SDK1: variants seen among roughly 807,000 people sequenced by gnomAD.
SDK1 encodes sidekick cell adhesion molecule 1.
SDK1 carries 157 observed loss-of-function variants against 245.5 expected under a neutral mutation model. The observed-to-expected ratio is 0.64, with a 90% CI of 0.56 to 0.73. The LOEUF is 0.73. Ranked by LOEUF, SDK1 falls within the 30% of genes least tolerant of loss-of-function variation. The probability of loss-of-function intolerance (pLI) is 0.00; values close to 1 mark genes in which losing one functional copy is unlikely to be tolerated. For missense variants in SDK1, 3,583 were observed against 3,002.3 expected (o/e 1.19, Z -4.52); for synonymous variants, 1,647 against 1,278.5 (o/e 1.29, Z -6.15).
intron 30 of SDK1, among the ~76,000 whole-genome samples, chr7:4,156,300 A>C (rs1780731619): frequency 6.6e-6 from 1 of 152,024 alleles, no homozygotes; most frequent in South Asian, 2.1e-4. Context: ...AGGCAAAGTA[A>C]CTCCTAGGAT....
intron 22 of SDK1, among the ~76,000 whole-genome samples, chr7:4,084,726 G>GTTATGTTATC (rs1781321287): frequency 3.3e-5 from 3 of 89,878 alleles, no homozygotes; most frequent in Admixed American, 9.3e-5. Context: ...GTTATGTTAT[G>GTTATGTTATC]TTATGTTGTT....
intron 5 of SDK1, among the ~76,000 whole-genome samples, chr7:3,846,993 G>C (rs77038302): frequency 3.3e-5 from 5 of 152,016 alleles, no homozygotes; most frequent in South Asian, 4.2e-4. Context: ...GCTGTCCCCA[G>C]TGCCACCCCA....
chr7:3,961,440 C>G lies in SDK1; in HGVS notation c.1235-1217C>G, dbSNP rs948468146. Among the ~76,000 whole-genome samples, 119 of 152,312 alleles carry G rather than the reference C, an allele frequency of 7.8e-4. 1 individual carries two copies. Among genetic ancestry groups the G allele is most frequent in the East Asian group, 5.8e-4 (3 of 5,186 alleles). The stretch of plus-strand genomic sequence containing the variant: ...CACCTACCCACACGCCATCTTAAAT[C>G]AAGGGATTTTGGTGTGCTTTGCACT... On this transcript the variant is annotated intron_variant, in intron 8 of 44. Coordinates refer to ENST00000404826, the MANE Select transcript of SDK1 (RefSeq NM_152744.4).
intron 32 of SDK1, among the ~76,000 whole-genome samples, chr7:4,163,321 C>T (rs1044230948): frequency 4.6e-5 from 7 of 152,096 alleles, no homozygotes; most frequent in African/African-American, 7.2e-5. Context: ...GCAGGGTGCC[C>T]GATGCAGCAG....
At chr7:3,844,513 A>G (rs1016374649) in intron 5 of SDK1, among the ~76,000 whole-genome samples, 4 of 152,056 alleles carry the variant, frequency 2.6e-5, no homozygotes, top group Non-Finnish European at 5.9e-5. Context: ...CGAGCTGGGC[A>G]CCCACAGTGT....
intron 1 of SDK1, among the ~76,000 whole-genome samples, chr7:3,492,956 T>C (rs1781908352): frequency 6.6e-6 from 1 of 152,160 alleles, no homozygotes; most frequent in Non-Finnish European, 1.5e-5. Context: ...ATTTTTTTAT[T>C]TTTCTATTTT....
intron 4 of SDK1, chr7:3,643,886 T>G (rs1259076172): frequency 6.7e-6 from 1 of 148,758 alleles, no homozygotes; most frequent in Non-Finnish European, 1.5e-5. Flanking sequence ...TTACTATTAA[T>G]AATTATATAA....
At chr7:4,243,549 A>C (rs1786657631) in intron 43 of SDK1, among the ~76,000 whole-genome samples, 1 of 152,232 alleles carries the variant, frequency 6.6e-6, no homozygotes, top group Admixed American at 6.5e-5. Flanking sequence ...GGAGGAGCAA[A>C]GTCACGTCTT....
At chr7:3,992,597 T>G (rs1784411998) in intron 14 of SDK1, among the ~76,000 whole-genome samples, 1 of 152,184 alleles carries the variant, frequency 6.6e-6, no homozygotes. Context: ...TGAAAGCATT[T>G]GGCCCACTCT....
At chr7:4,245,547 A>C in intron 43 of SDK1, 129 bp from the exon 44 acceptor site, 1 of 1,096,136 alleles carries the variant, frequency 9.1e-7, no homozygotes, top group South Asian at 1.6e-5. Flanking sequence ...ATCAGTTGCC[A>C]AAGTGATGTC....
At chr7:3,787,657 C>T (rs1156708921) in intron 4 of SDK1, among the ~76,000 whole-genome samples, 4 of 152,082 alleles carry the variant, frequency 2.6e-5, no homozygotes, top group South Asian at 4.1e-4. Flanking sequence ...TCAGCTGGCC[C>T]GAGCCCTACC....
chr7:4,225,675 G>T (rs1280730447), intron 40 of SDK1, among the ~76,000 whole-genome samples: 1 of 152,176 alleles, frequency 6.6e-6, no homozygotes, highest in Non-Finnish European at 1.5e-5. Context: ...GTCGGCGAGG[G>T]CTTCACACTG....
At chr7:3,551,543 C>T (rs912860109) in intron 1 of SDK1, among the ~76,000 whole-genome samples, 4 of 151,326 alleles carry the variant, frequency 2.6e-5, no homozygotes, top group Non-Finnish European at 2.9e-5. Context: ...TGAAAGCTTG[C>T]TTTGCTTGCC....
At chr7:4,218,220 A>AT (rs1057255731) in intron 38 of SDK1, among the ~76,000 whole-genome samples, 68 of 152,274 alleles carry the variant, frequency 4.5e-4, no homozygotes, top group African/African-American at 1.6e-3. Flanking sequence ...CCGGGCCAAC[A>AT]TGGTGAAACT....
At chr7:3,678,359 A>C (rs1359805089) in intron 4 of SDK1, among the ~76,000 whole-genome samples, 1 of 152,226 alleles carries the variant, frequency 6.6e-6, no homozygotes, top group Non-Finnish European at 1.5e-5. Context: ...AAAAATGTAG[A>C]AATAATCTAA....
chr7:3,330,005 A>G (rs952371711), intron 1 of SDK1, among the ~76,000 whole-genome samples: 4 of 152,226 alleles, frequency 2.6e-5, no homozygotes, highest in South Asian at 2.1e-4. Context: ...CCAATCCGCT[A>G]TGGATACCAA....
intron 4 of SDK1, among the ~76,000 whole-genome samples, chr7:3,678,015 G>A (rs1232324986): frequency 6.6e-6 from 1 of 152,202 alleles, no homozygotes; most frequent in African/African-American, 2.4e-5. Context: ...GAGATGTTCA[G>A]TGTCATTAGT....
Position 3,513,937 on chromosome 7 carries a change from G to A in SDK1, c.299-105143G>A, listed in dbSNP as rs138503099. Among the ~76,000 whole-genome samples the A allele has an allele frequency of 5.3e-3, 806 of 152,304 alleles. 4 individuals carry two copies. Among genetic ancestry groups the A allele is most frequent in the African/African-American group, 0.019 (774 of 41,548 alleles). ...CCTAGGATAGTGGCCTCTAGCTGCA[G>A]CCATCTTGCTGCAAAAGACAAGATT... On this transcript the variant is annotated intron_variant, in intron 1 of 44. Transcript: ENST00000404826.
chr7:3,675,198 G>A (rs936940169), intron 4 of SDK1, among the ~76,000 whole-genome samples: 1 of 152,154 alleles, frequency 6.6e-6, no homozygotes, highest in African/African-American at 2.4e-5. Flanking sequence ...CTTTCAAATG[G>A]TTCAGGCCAA....
Sources: allele counts gnomAD v4.1 joint callset (sites outside exome capture counted in the v4.1 genomes callset), GRCh38; gene constraint gnomAD v4.1.1; transcripts MANE v1.5; gene names NCBI Gene and HGNC (gene_info 2026-07-23, HGNC 2026-07-21).